Variants in CTNNA3 observed in about 807,000 individuals in gnomAD.
CTNNA3 encodes the protein catenin alpha 3.
A neutral mutation model predicts 95.7 loss-of-function variants in CTNNA3; 76 were observed. The ratio of observed to expected loss-of-function variants is 0.79; its 90% CI spans 0.66 to 0.96. The LOEUF is 0.96. Among genes scored for constraint, CTNNA3 ranks in the 40% least tolerant of loss-of-function variants. The pLI, the probability that CTNNA3 is intolerant of heterozygous loss-of-function variation, is 0.00. For synonymous variants in CTNNA3, 431 were observed against 374.4 expected (o/e 1.15, Z -1.74); for missense variants, 1,191 against 1,089.8 (o/e 1.09, Z -1.31).
At chr10:66,857,271 T>C in intron 7 of CTNNA3, among the ~76,000 whole-genome samples, 1 of 152,154 alleles carries the variant, frequency 6.6e-6, no homozygotes, top group Non-Finnish European at 1.5e-5. Context: ...GTGACCGTTT[T>C]TGTACCAGTA....
intron 7 of CTNNA3, among the ~76,000 whole-genome samples, chr10:67,005,552 T>C (rs1333314173): frequency 1.3e-5 from 2 of 151,878 alleles, no homozygotes; most frequent in Admixed American, 6.6e-5. Flanking sequence ...AAGGAATAGA[T>C]AAGGGAAGAG....
chr10:66,759,180 G>T (rs1839496829), intron 9 of CTNNA3, among the ~76,000 whole-genome samples: 1 of 152,074 alleles, frequency 6.6e-6, no homozygotes. Flanking sequence ...CTCTTTTCAG[G>T]CAAGATTTTT....
At chr10:66,924,486 T>G (rs1846955361) in intron 7 of CTNNA3, among the ~76,000 whole-genome samples, 1 of 152,198 alleles carries the variant, frequency 6.6e-6, no homozygotes, top group African/African-American at 2.4e-5. Flanking sequence ...TCGAACATTA[T>G]TAGTCATGAT....
chr10:66,833,436 A>G (rs1197442722), intron 7 of CTNNA3, among the ~76,000 whole-genome samples: 3 of 152,372 alleles, frequency 2.0e-5, no homozygotes, highest in African/African-American at 7.2e-5. Context: ...TAAGCATTTA[A>G]AAACAAAATA....
At chr10:67,273,814 C>T (rs576315986) in intron 5 of CTNNA3, among the ~76,000 whole-genome samples, 6 of 152,198 alleles carry the variant, frequency 3.9e-5, no homozygotes, top group African/African-American at 1.2e-4. Context: ...TTACACAAAA[C>T]AGAATGCACT....
intron 7 of CTNNA3, among the ~76,000 whole-genome samples, chr10:66,865,216 G>GCA (rs1194315127): frequency 0.027 from 1,287 of 48,392 alleles, 20 homozygotes; most frequent in African/African-American, 0.056. Context: ...GTGTGTGCGT[G>GCA]TGTGTGTGTG....
At chr10:66,538,074 T>A (rs1405785026) in intron 10 of CTNNA3, among the ~76,000 whole-genome samples, 3 of 152,144 alleles carry the variant, frequency 2.0e-5, no homozygotes, top group African/African-American at 7.2e-5. Flanking sequence ...GATAACACAC[T>A]GTTTCTCAGG....
At chr10:67,385,638 C>A (rs575685739) in intron 5 of CTNNA3, among the ~76,000 whole-genome samples, 1 of 152,112 alleles carries the variant, frequency 6.6e-6, no homozygotes, top group African/African-American at 2.4e-5. Flanking sequence ...GGAGAATTAC[C>A]CAACTCTTCA....
intron 3 of CTNNA3, among the ~76,000 whole-genome samples, chr10:67,568,562 C>CAT (rs1000415168): frequency 2.2e-4 from 33 of 151,174 alleles, no homozygotes; most frequent in African/African-American, 3.6e-4. Flanking sequence ...GACACACACA[C>CAT]ATATATATAT....
At chr10:67,417,284 G>A (rs1845580117) in intron 5 of CTNNA3, among the ~76,000 whole-genome samples, 1 of 152,068 alleles carries the variant, frequency 6.6e-6, no homozygotes, top group Non-Finnish European at 1.5e-5. Flanking sequence ...AATAGACATT[G>A]TGGACTCCAA....
At chr10:66,875,576 A>C (rs1844585028) in intron 7 of CTNNA3, among the ~76,000 whole-genome samples, 1 of 152,104 alleles carries the variant, frequency 6.6e-6, no homozygotes, top group African/African-American at 2.4e-5. Flanking sequence ...CCAACATCTT[A>C]ATTATTATTG....
At chr10:67,727,809 TATATATC>T (rs1417149044) in intron 1 of CTNNA3, among the ~76,000 whole-genome samples, 2 of 129,112 alleles carry the variant, frequency 1.5e-5, no homozygotes, top group East Asian at 4.1e-4. Flanking sequence ...ACATATGTAT[TATATATC>T]ATATATTATA....
intron 7 of CTNNA3, among the ~76,000 whole-genome samples, chr10:66,812,127 T>TA (rs1841905205): frequency 6.6e-6 from 1 of 152,142 alleles, no homozygotes; most frequent in South Asian, 2.1e-4. Flanking sequence ...ATTCTCTCCT[T>TA]ACTAAAATAA....
At chr10:67,349,655 T>C (rs886930274) in intron 5 of CTNNA3, among the ~76,000 whole-genome samples, 10 of 152,298 alleles carry the variant, frequency 6.6e-5, no homozygotes, top group African/African-American at 2.4e-4. Flanking sequence ...TAGTTATCAA[T>C]ACTATATTGC....
At chr10:67,059,636 TC>T (rs1855643720) in intron 7 of CTNNA3, among the ~76,000 whole-genome samples, 1 of 152,178 alleles carries the variant, frequency 6.6e-6, no homozygotes, top group Admixed American at 6.5e-5. Flanking sequence ...TTTGTTCTGA[TC>T]TTGAGAAAGT....
intron 13 of CTNNA3, among the ~76,000 whole-genome samples, chr10:66,269,317 G>A (rs1252444098): frequency 1.3e-5 from 2 of 152,112 alleles, no homozygotes; most frequent in Non-Finnish European, 2.9e-5. Flanking sequence ...AAAATCCACT[G>A]GAAGAGATTA....
chr10:67,728,240 T>C (rs1227040733), intron 1 of CTNNA3, among the ~76,000 whole-genome samples: 1 of 148,678 alleles, frequency 6.7e-6, no homozygotes, highest in Non-Finnish European at 1.5e-5. Context: ...GATCACTTGA[T>C]GTCAGGAGTT....
intron 7 of CTNNA3, among the ~76,000 whole-genome samples, chr10:66,782,223 G>C (rs1840564474): frequency 6.6e-6 from 1 of 152,000 alleles, no homozygotes; most frequent in African/African-American, 2.4e-5. Flanking sequence ...AGGAATAAAA[G>C]GATAAAGGGT....
At chr10:67,743,611 TCA>T (rs1254930763) in intron 1 of CTNNA3, among the ~76,000 whole-genome samples, 2 of 151,314 alleles carry the variant, frequency 1.3e-5, no homozygotes, top group Non-Finnish European at 3.0e-5. Context: ...ATGCCCTCTC[TCA>T]CTACTCCTAT....
Sources: gnomAD v4.1 joint callset for allele counts (sites outside exome capture counted in the v4.1 genomes callset) on GRCh38, gnomAD v4.1.1 for gene constraint, MANE v1.5 for transcripts, NCBI Gene and HGNC (gene_info 2026-07-23, HGNC 2026-07-21) for gene names.